The following DLGAP1 variants were observed in gnomAD, a reference collection of about 807,000 sequenced individuals.
DLGAP1 encodes disks large-associated protein 1.
A neutral mutation model predicts 90.8 loss-of-function variants in DLGAP1; 11 were observed. That is an observed-to-expected ratio of 0.12 (90% CI 0.08 to 0.20). DLGAP1 has a LOEUF of 0.20. DLGAP1 is among the 10% of genes least tolerant of loss of function. The pLI is 1.00. For missense variants in DLGAP1, 1,050 were observed against 1,333.8 expected (o/e 0.79, Z 3.31); for synonymous variants, 558 against 540.7 (o/e 1.03, Z -0.44).
chr18:3,656,230 G>T, intron 7 of DLGAP1: 2 of 757,026 alleles, frequency 2.6e-6, no homozygotes, highest in Admixed American at 3.4e-5. Context: ...GGCATTGCAA[G>T]AACGTAACTA....
intron 1 of DLGAP1, among the ~76,000 whole-genome samples, chr18:4,254,289 T>C (rs1249012037): frequency 6.6e-6 from 1 of 152,158 alleles, no homozygotes; most frequent in East Asian, 1.9e-4. Context: ...AACAATTAAA[T>C]GGAAACTGAA....
chr18:3,741,020 C>CCACCACCATCCCCACCATCACCT (rs1568047635), intron 6 of DLGAP1, among the ~76,000 whole-genome samples: 1 of 74,984 alleles, frequency 1.3e-5, no homozygotes, highest in African/African-American at 6.1e-5. Flanking sequence ...ACCACCATCA[C>CCACCACCATCCCCACCATCACCT]CACCACCACC....
At chr18:3,896,620 T>C (rs890463640) in intron 3 of DLGAP1, 3 of 152,224 alleles carry the variant, frequency 2.0e-5, no homozygotes, top group African/African-American at 7.2e-5. Flanking sequence ...ACTCAGAACA[T>C]GGTACCCCAA....
chr18:4,132,710 C>T (rs2076335682), intron 2 of DLGAP1, among the ~76,000 whole-genome samples: 1 of 152,112 alleles, frequency 6.6e-6, no homozygotes, highest in Non-Finnish European at 1.5e-5. Context: ...TAAAATTCTA[C>T]TCTAAAGTAT....
intron 9 of DLGAP1, among the ~76,000 whole-genome samples, chr18:3,549,839 T>C (rs1447335863): frequency 6.6e-6 from 1 of 152,202 alleles, no homozygotes; most frequent in African/African-American, 2.4e-5. Flanking sequence ...TATGTTGAAG[T>C]CCTAACACCT....
intron 3 of DLGAP1, among the ~76,000 whole-genome samples, chr18:3,949,489 G>C (rs2072942120): frequency 6.6e-6 from 1 of 152,092 alleles, no homozygotes; most frequent in Non-Finnish European, 1.5e-5. Flanking sequence ...CTGCTAATCT[G>C]TTTTCTAGCC....
chr18:4,334,847 A>C (rs892304604), intron 1 of DLGAP1, among the ~76,000 whole-genome samples: 5 of 151,964 alleles, frequency 3.3e-5, no homozygotes, highest in African/African-American at 1.2e-4. Context: ...TATGGAAATC[A>C]TGACTCTAGT....
intron 3 of DLGAP1, chr18:3,977,755 AC>A: frequency 2.8e-6 from 1 of 355,320 alleles, no homozygotes; most frequent in Non-Finnish European, 5.4e-6. Context: ...GGCAATGCCC[AC>A]CCCAGCTTTG....
intron 1 of DLGAP1, among the ~76,000 whole-genome samples, chr18:4,425,950 T>C (rs2083142663): frequency 1.3e-5 from 2 of 152,174 alleles, no homozygotes; most frequent in Admixed American, 6.5e-5. Flanking sequence ...AGGTTGTACA[T>C]CCTCTTCTAA....
chr18:3,749,143 T>C (rs1337594038), intron 5 of DLGAP1, among the ~76,000 whole-genome samples: 3 of 145,754 alleles, frequency 2.1e-5, no homozygotes, highest in Admixed American at 6.8e-5. Flanking sequence ...CTCCTTCTTC[T>C]TCTTCTTTTT....
chr18:3,879,501 C>T lies in DLGAP1; in HGVS notation c.568G>A (p.Glu190Lys). 6.2e-7 allele frequency: 1 copy of T among 1,603,502 alleles called. No homozygotes were observed. Residue 190 changes from glutamate to lysine, a missense_variant, in exon 4 of 13, where the codon GAG becomes AAG. Around this residue, in one of 2 missense-constraint regions of DLGAP1, gnomAD observed 485 missense variants for 454.1 expected, o/e 1.07. Coordinates refer to ENST00000315677, the MANE Select transcript of DLGAP1 (RefSeq NM_004746.4). The surrounding 1 kb of genome is among the most constrained non-coding windows in gnomAD (Gnocchi z 6.6). ...GAGGTGCTGGGCCGGGCCTTGGGCT[C>T]CGCGCGCCGCTCCTTGCTCTTGCTG... ...KRSKSKERRA[E>K]PKARPSTSPG...
At chr18:3,594,106 C>G (rs12967944) in intron 7 of DLGAP1, 20,280 of 152,152 alleles carry the variant, frequency 0.13, 1,603 homozygotes, top group East Asian at 0.25. Flanking sequence ...AATGCGCAGG[C>G]AATCCACAGC....
intron 3 of DLGAP1, chr18:3,978,680 A>C (rs1351172246): frequency 1.3e-5 from 2 of 154,806 alleles, no homozygotes; most frequent in African/African-American, 4.8e-5. Flanking sequence ...TGGGAGGAGC[A>C]GAGAGCCTGA....
At chr18:4,280,660 C>T (rs1252775298) in intron 1 of DLGAP1, 1 of 152,198 alleles carries the variant, frequency 6.6e-6, no homozygotes, top group Non-Finnish European at 1.5e-5. Context: ...TTAGACTTTT[C>T]TACAGTCTGA....
At chr18:4,040,179 T>A (rs1459597739) in intron 2 of DLGAP1, among the ~76,000 whole-genome samples, 1 of 152,196 alleles carries the variant, frequency 6.6e-6, no homozygotes, top group Non-Finnish European at 1.5e-5. Flanking sequence ...CGCTGTGTGA[T>A]CCTGGGCAAA....
intron 1 of DLGAP1, chr18:4,294,358 T>A (rs561996902): frequency 6.6e-6 from 1 of 152,292 alleles, no homozygotes; most frequent in Admixed American, 6.5e-5. Context: ...GGGTTGAGAG[T>A]CAGGGTGGCC....
chr18:4,403,185 T>C (rs116813355), intron 1 of DLGAP1, among the ~76,000 whole-genome samples: 1,789 of 152,302 alleles, frequency 0.012, 43 homozygotes, highest in African/African-American at 0.041. Context: ...AAAGTGTCCA[T>C]TGTAATGTGT....
Position 3,714,645 on chromosome 18 carries a change from T to G in DLGAP1, c.1591+14490A>C, listed in dbSNP as rs562282690. ...AGAATTAGCTGATTACGTGGTTTTTTTTTTTTTTTTTTTTTTTTTAGAGGG... is the reference window on the plus strand; with the variant it reads ...AGAATTAGCTGATTACGTGGTTTTTGTTTTTTTTTTTTTTTTTTTAGAGGG... On this transcript the variant is annotated intron_variant, in intron 7 of 12. Coordinates refer to ENST00000315677, the MANE Select transcript of DLGAP1 (RefSeq NM_004746.4). 1.1e-3 allele frequency among the ~76,000 whole-genome samples: 169 copies of G among 148,554 alleles called. 2 individuals carry two copies. Among genetic ancestry groups the G allele is most frequent in the South Asian group, 1.0e-2 (46 of 4,618 alleles).
rs528860453 is a variant in DLGAP1, at chr18:3,781,132, G to A, written c.1172+32927C>T. Among the ~76,000 whole-genome samples, 56 of 151,990 alleles carry A rather than the reference G, an allele frequency of 3.7e-4. No homozygotes were observed. The South Asian group carries it at 0.011, about 30-fold the overall frequency. On this transcript the variant is annotated intron_variant, in intron 5 of 12. Coordinates refer to ENST00000315677, the MANE Select transcript of DLGAP1 (RefSeq NM_004746.4). ...CATGAGCCACTCTGCCTGGCCCAAT[G>A]TTTATTTTTAAATATGTGATTGTTA...
Sources: allele counts gnomAD v4.1 joint callset (sites outside exome capture counted in the v4.1 genomes callset), GRCh38; gene constraint gnomAD v4.1.1; regional missense constraint gnomAD v4.1.1; non-coding constraint Gnocchi (gnomAD v3.1); transcripts MANE v1.5; gene names NCBI Gene and HGNC (gene_info 2026-07-23, HGNC 2026-07-21).